Variants in ULK4 observed in about 807,000 individuals in gnomAD.
ULK4 encodes the protein unc-51 like kinase 4, also known as inactive serine/threonine-protein kinase ULK4.
A neutral mutation model predicts 160.6 loss-of-function variants in ULK4; 133 were observed. That is an observed-to-expected ratio of 0.83 (90% CI 0.72 to 0.96). ULK4 has a LOEUF of 0.96. Among genes scored for constraint, ULK4 ranks in the 40% least tolerant of loss-of-function variants. The pLI is 0.00. For missense variants in ULK4, 1,580 were observed against 1,499.5 expected (o/e 1.05, Z -0.89); for synonymous variants, 534 against 539.8 (o/e 0.99, Z 0.15).
At chr3:41,598,832 A>C (rs1479474136) in intron 31 of ULK4, among the ~76,000 whole-genome samples, 1 of 152,260 alleles carries the variant, frequency 6.6e-6, no homozygotes, top group African/African-American at 2.4e-5. Context: ...AAATTATCAC[A>C]GACGTTGTGG....
chr3:41,525,928 G>T (rs1027847203), intron 32 of ULK4, among the ~76,000 whole-genome samples: 4 of 152,112 alleles, frequency 2.6e-5, no homozygotes, highest in Admixed American at 6.6e-5. Flanking sequence ...ACTACCTAAA[G>T]CCTATCTGCC....
At chr3:41,820,556 CACTT>C (rs2041113382) in intron 18 of ULK4, among the ~76,000 whole-genome samples, 2 of 152,088 alleles carry the variant, frequency 1.3e-5, no homozygotes, top group African/African-American at 4.8e-5. Context: ...CACGTGTTCT[CACTT>C]GTGAGAACTA....
chr3:41,845,457 C>T (rs2042048941), intron 17 of ULK4, among the ~76,000 whole-genome samples: 1 of 152,076 alleles, frequency 6.6e-6, no homozygotes, highest in Non-Finnish European at 1.5e-5. Context: ...ACTATTTATA[C>T]AACATTCTCA....
chr3:41,900,526 T>C lies in ULK4; in HGVS notation c.1287+199A>G, dbSNP rs1403222279. ...GAGGGGAGAAAACTTAGAACTCCAG[T>C]GAAGTGGAAGTGAAGGCAGAGGAAA... On this transcript the variant is annotated intron_variant, in intron 13 of 36. Transcript: ENST00000301831. Among the ~76,000 whole-genome samples, 3 of 152,004 alleles carry C rather than the reference T, an allele frequency of 2.0e-5. No homozygotes were observed. The East Asian group carries it at 5.8e-4, about 29-fold the overall frequency.
intron 7 of ULK4, among the ~76,000 whole-genome samples, chr3:41,917,800 T>A (rs144683408): frequency 0.086 from 13,054 of 151,840 alleles, 781 homozygotes; most frequent in Non-Finnish European, 0.13. Context: ...GCCAAGATGG[T>A]GAAACCCCGT....
chr3:41,331,550 G>A (rs1301561597), intron 35 of ULK4, among the ~76,000 whole-genome samples: 1 of 152,154 alleles, frequency 6.6e-6, no homozygotes, highest in African/African-American at 2.4e-5. Context: ...CCAGGATACC[G>A]AAAGTGTCAC....
At chr3:41,463,472 C>A (rs1301361291) in intron 32 of ULK4, among the ~76,000 whole-genome samples, 2 of 152,126 alleles carry the variant, frequency 1.3e-5, no homozygotes, top group African/African-American at 2.4e-5. Flanking sequence ...AAAGAAGTTC[C>A]CCAAGTGATT....
rs1361292327 is a variant in ULK4 at position 41,463,228 on chromosome 3, C to T, written c.3252G>A (p.Leu1084=). The T allele has an allele frequency of 5.6e-6, 9 of 1,613,264 alleles. No homozygotes were observed. Among genetic ancestry groups the T allele is most frequent in the Non-Finnish European group, 7.6e-6 (9 of 1,179,558 alleles). Residue 1084 remains leucine (L), a synonymous_variant, in exon 33 of 37, where the codon CTG becomes CTA. Coordinates refer to ENST00000301831, the MANE Select transcript of ULK4 (RefSeq NM_017886.4). ...EQGLVSHICN[L]LTETATLCLD... ...AGCACAGTGTGGCAGTTTCAGTGAGCAGGTTACAGATGTGACTGACAAGTC... is the reference window on the plus strand; with the variant it reads ...AGCACAGTGTGGCAGTTTCAGTGAGTAGGTTACAGATGTGACTGACAAGTC...
chr3:41,794,671 A>AAAAAAAAC, intron 20 of ULK4, among the ~76,000 whole-genome samples: 1 of 129,322 alleles, frequency 7.7e-6, no homozygotes, highest in Admixed American at 7.7e-5. Context: ...AAAAAAAAAA[A>AAAAAAAAC]AAAAAAAAAA....
intron 35 of ULK4, among the ~76,000 whole-genome samples, chr3:41,387,439 T>C (rs2081843427): frequency 6.6e-6 from 1 of 152,118 alleles, no homozygotes; most frequent in Non-Finnish European, 1.5e-5. Context: ...TAGTTACATA[T>C]GTATACATGT....
At chr3:41,917,943 C>T (rs1428175380) in intron 7 of ULK4, among the ~76,000 whole-genome samples, 8 of 151,924 alleles carry the variant, frequency 5.3e-5, no homozygotes, top group East Asian at 1.9e-4. Context: ...GCCGAGAACA[C>T]GCCACTGCAC....
At chr3:41,889,898 A>G (rs1210701466) in intron 16 of ULK4, among the ~76,000 whole-genome samples, 1 of 152,250 alleles carries the variant, frequency 6.6e-6, no homozygotes, top group East Asian at 1.9e-4. Context: ...AATGTGGTAT[A>G]GCCACACAAG....
chr3:41,510,164 G>A (rs982330375), intron 32 of ULK4, among the ~76,000 whole-genome samples: 2 of 152,212 alleles, frequency 1.3e-5, no homozygotes, highest in African/African-American at 4.8e-5. Context: ...GACACCAAAA[G>A]TGAACAGGAA....
At chr3:41,897,176 C>T (rs1431372192) in intron 14 of ULK4, among the ~76,000 whole-genome samples, 173 bp from the exon 15 acceptor site, 1 of 152,124 alleles carries the variant, frequency 6.6e-6, no homozygotes, top group Non-Finnish European at 1.5e-5. Context: ...TTCTATATTC[C>T]TAATCTCTTT....
chr3:41,921,374 G>A (rs1332199316), intron 5 of ULK4, among the ~76,000 whole-genome samples: 2 of 152,060 alleles, frequency 1.3e-5, no homozygotes, highest in Non-Finnish European at 2.9e-5. Flanking sequence ...CATTTTGGGA[G>A]GCCGAGGCGA....
chr3:41,528,762 T>C (rs187946449), intron 32 of ULK4, among the ~76,000 whole-genome samples: 14 of 152,306 alleles, frequency 9.2e-5, no homozygotes, highest in East Asian at 3.9e-4. Context: ...TCGAGTTCAA[T>C]AGAGGATTTT....
At chr3:41,826,738 T>C (rs1482290093) in intron 18 of ULK4, among the ~76,000 whole-genome samples, 1 of 149,830 alleles carries the variant, frequency 6.7e-6, no homozygotes, top group East Asian at 1.9e-4. Flanking sequence ...CTGTCAACAT[T>C]AGACAGATCA....
At chr3:41,957,082 C>T (rs1700507632) in intron 1 of ULK4, among the ~76,000 whole-genome samples, 1 of 152,174 alleles carries the variant, frequency 6.6e-6, no homozygotes, top group African/African-American at 2.4e-5. Flanking sequence ...TATCAGACTA[C>T]ATCTTATTTA....
At position 41,784,512 on chromosome 3, in the gene ULK4, C is replaced by T. The variant is rs184912746; in HGVS notation, c.2193+5149G>A. The stretch of plus-strand genomic sequence containing the variant: ...TTTACTTTGATTTTTAATCAAAAGT[C>T]CCCTCTCATTGTGGTTGTGATTGTT... On this transcript the variant is annotated intron_variant, in intron 21 of 36. Coordinates refer to ENST00000301831, the MANE Select transcript of ULK4 (RefSeq NM_017886.4). Among the ~76,000 whole-genome samples the T allele has an allele frequency of 3.8e-4, 58 of 152,238 alleles. 1 individual carries two copies. The highest frequency in any genetic ancestry group is 6.5e-4 in the Non-Finnish European group (44 of 68,026).
Sources: allele counts gnomAD v4.1 joint callset (sites outside exome capture counted in the v4.1 genomes callset), GRCh38; gene constraint gnomAD v4.1.1; transcripts MANE v1.5; gene names NCBI Gene and HGNC (gene_info 2026-07-23, HGNC 2026-07-21).